Variants in CLDN14 observed in about 807,000 individuals in gnomAD.
CLDN14 encodes claudin 14.
In CLDN14, 2 loss-of-function variants were observed where a neutral mutation model predicts 2.1. The observed-to-expected ratio is 0.96, with a 90% confidence interval of 0.39 to 3.01. The LOEUF is 3.01. CLDN14 is among the 30% of genes most tolerant of loss of function. The probability of loss-of-function intolerance (pLI) is 0.09; values close to 1 mark genes in which losing one functional copy is unlikely to be tolerated. For synonymous variants in CLDN14, 136 were observed against 154.4 expected, an observed-to-expected ratio of 0.88 and a Z score of 0.88; for missense variants, 298 against 328.0, an observed-to-expected ratio of 0.91 and a Z score of 0.71.
At position 36,461,164 on chromosome 21, in the gene CLDN14, C is replaced by T. The variant is rs2086564912; in HGVS notation, c.532G>A (p.Gly178Ser). ...TGGCAGGACAGGCAAAGCAGGGTGC[C>T]ACCAATGAGCGAGAGGGACGAGGAG... is the stretch of plus-strand genomic sequence containing the variant. Reference protein sequence around the residue: ...FISSSLSLIGGTLLCLSCQDE... With the variant: ...FISSSLSLIGSTLLCLSCQDE... The change falls in exon 2 of 2, where the codon GGC becomes AGC. Residue 178 changes from glycine to serine, a missense_variant. By Grantham distance (56) the Gly-to-Ser change is moderately conservative. Transcript: ENST00000399135. 1 of 1,613,844 alleles carries T rather than the reference C, an allele frequency of 6.2e-7. No individual in the cohort carries two copies. The highest frequency in any genetic ancestry group is 1.3e-5 in the African/African-American group (1 of 75,064).
At chr21:36,512,239 T>G (rs2835368) in intron 1 of CLDN14, among the ~76,000 whole-genome samples, 103,400 of 151,976 alleles carry the variant, frequency 0.68, 40,352 homozygotes, top group Non-Finnish European at 0.9. Context: ...TGTTAGGAGG[T>G]TGACTTGCCA....
intron 1 of CLDN14, among the ~76,000 whole-genome samples, chr21:36,531,556 C>T (rs936935961): frequency 6.6e-6 from 1 of 151,956 alleles, no homozygotes; most frequent in African/African-American, 2.4e-5. Context: ...TGAGCCACTG[C>T]GCCTGGCCTA....
chr21:36,486,952 A>G (rs1280221951), intron 2 of CLDN14: 13 of 506,002 alleles, frequency 2.6e-5, no homozygotes, highest in Non-Finnish European at 3.4e-5. Flanking sequence ...GATGAGGGCC[A>G]TGTTGTTCTC....
chr21:36,502,076 T>C (rs749032039), intron 2 of CLDN14, among the ~76,000 whole-genome samples: 1 of 152,162 alleles, frequency 6.6e-6, no homozygotes, highest in Non-Finnish European at 1.5e-5. Context: ...TCTTGAATAT[T>C]CTGTAACACA....
At chr21:36,534,786 G>A (rs1314996338) in intron 1 of CLDN14, among the ~76,000 whole-genome samples, 2 of 152,176 alleles carry the variant, frequency 1.3e-5, no homozygotes, top group Non-Finnish European at 2.9e-5. Flanking sequence ...CCCTGGGCAA[G>A]GTGTCAGTCT....
chr21:36,560,784 A>T (rs573121525), intron 1 of CLDN14, among the ~76,000 whole-genome samples: 1 of 149,236 alleles, frequency 6.7e-6, no homozygotes, highest in East Asian at 2.0e-4. Flanking sequence ...ATTTTTTCCA[A>T]AATGGATCTG....
chr21:36,560,688 G>C (rs193203729), intron 1 of CLDN14, among the ~76,000 whole-genome samples: 10 of 152,252 alleles, frequency 6.6e-5, no homozygotes, highest in Admixed American at 6.5e-4. Flanking sequence ...TAATTTTTTA[G>C]TTGAAAACTC....
rs528131867 is a variant in CLDN14 at position 36,499,678 on chromosome 21, G to C, written c.-82+10685C>G. 1.1e-4 allele frequency among the ~76,000 whole-genome samples: 16 copies of C among 152,286 alleles called. No homozygotes were observed. Among genetic ancestry groups the C allele is most frequent in the Middle Eastern group, 3.4e-3 (1 of 294 alleles). ...CGTGACTCTTATGCATCATGATGTT[G>C]AGATTCACTGATTTAGACACGCAGA... On this transcript the variant is annotated intron_variant, in intron 2 of 2. Coordinates refer to the CLDN14 transcript ENST00000342108. The surrounding 1 kb of genome is among the most constrained non-coding windows in gnomAD (Gnocchi z 4.7).
At chr21:36,484,496 A>T (rs2086876013), upstream of CLDN14, among the ~76,000 whole-genome samples, 1 of 152,160 alleles carries the variant, frequency 6.6e-6, no homozygotes, top group Non-Finnish European at 1.5e-5. Flanking sequence ...AGACGCTAGC[A>T]GGGCTGTGCT....
intron 1 of CLDN14, among the ~76,000 whole-genome samples, chr21:36,521,855 C>A (rs916169923): frequency 6.6e-6 from 1 of 152,166 alleles, no homozygotes; most frequent in African/African-American, 2.4e-5. Context: ...TCCCTTCACT[C>A]TCAAGGAAAA....
chr21:36,519,888 C>T (rs2835378), intron 1 of CLDN14, among the ~76,000 whole-genome samples: 13,460 of 152,130 alleles, frequency 0.088, 1,295 homozygotes, highest in African/African-American at 0.24. Flanking sequence ...TGCAGAGTCA[C>T]GGTGCCAGGG....
intron 2 of CLDN14, among the ~76,000 whole-genome samples, chr21:36,497,489 GTTTTC>G: frequency 6.6e-6 from 1 of 151,200 alleles, no homozygotes; most frequent in Non-Finnish European, 1.5e-5. Context: ...CTCAGGGTCT[GTTTTC>G]TTTTCCCTTC....
In CLDN14 at chr21:36,499,828, AG is replaced by A. The variant is rs1315914137; in HGVS notation, c.-82+10534del. Among the ~76,000 whole-genome samples, 1 of 152,114 alleles carries A rather than the reference AG, an allele frequency of 6.6e-6. No homozygotes were observed. Among genetic ancestry groups the A allele is most frequent in the African/African-American group, 2.4e-5 (1 of 41,420 alleles). On this transcript the variant is annotated intron_variant, in intron 2 of 2. Coordinates refer to the CLDN14 transcript ENST00000342108. This position sits in a 1 kb window ranked among gnomAD's most constrained non-coding sequence, Gnocchi z 4.7. ...TCCTTAGATGATCAATGCTGCCCCC[AG>A]GGCTGCTGTCATCTCCTGATGACGA...
intron 2 of CLDN14, among the ~76,000 whole-genome samples, chr21:36,506,252 A>G (rs2087131569): frequency 6.6e-6 from 1 of 152,248 alleles, no homozygotes. Flanking sequence ...TGTTAAGTGA[A>G]GGAAGCAAGT....
At chr21:36,497,897 CT>C in intron 2 of CLDN14, among the ~76,000 whole-genome samples, 1 of 152,296 alleles carries the variant, frequency 6.6e-6, no homozygotes, top group East Asian at 1.9e-4. Context: ...GTTTAATTTC[CT>C]TTGCTACTTT....
chr21:36,567,311 A>G (rs1189929772), intron 1 of CLDN14, among the ~76,000 whole-genome samples: 1 of 152,262 alleles, frequency 6.6e-6, no homozygotes. Context: ...AAGTTGATGT[A>G]GAATAGCAAT....
intron 1 of CLDN14, among the ~76,000 whole-genome samples, chr21:36,525,451 C>A (rs924969843): frequency 3.3e-5 from 5 of 151,106 alleles, no homozygotes; most frequent in African/African-American, 1.2e-4. Context: ...GTTCTGAGGC[C>A]AGGGTAATAG....
intron 1 of CLDN14, among the ~76,000 whole-genome samples, chr21:36,569,147 G>A (rs547472660): frequency 2.0e-5 from 3 of 152,350 alleles, no homozygotes; most frequent in East Asian, 1.9e-4. Context: ...GGGTGGGGGC[G>A]TGGCTCACGC....
chr21:36,539,964 G>C (rs1004738991), intron 1 of CLDN14, among the ~76,000 whole-genome samples: 2 of 151,518 alleles, frequency 1.3e-5, no homozygotes, highest in African/African-American at 4.9e-5. Context: ...AGCATGTGGA[G>C]TATGTATGTG....
Sources: gnomAD v4.1 joint callset for allele counts (sites outside exome capture counted in the v4.1 genomes callset) on GRCh38, gnomAD v4.1.1 for gene constraint, Gnocchi (gnomAD v3.1) non-coding constraint, MANE v1.5 for transcripts, NCBI Gene and HGNC (gene_info 2026-07-23, HGNC 2026-07-21) for gene names.